Variants in PFDN1 observed in about 807,000 individuals in gnomAD.
PFDN1 encodes the protein prefoldin 1.
In PFDN1, 6 loss-of-function variants were observed where a neutral mutation model predicts 17.3. That is an observed-to-expected ratio of 0.35 (90% CI 0.19 to 0.69). The LOEUF is 0.69. PFDN1 is among the 30% of genes least tolerant of loss of function. PFDN1 has a pLI of 0.65. For missense variants in PFDN1, 113 were observed against 146.2 expected, an observed-to-expected ratio of 0.77 and a Z score of 1.17; for synonymous variants, 58 against 50.1, an observed-to-expected ratio of 1.16 and a Z score of -0.67.
chr5:140,251,895 T>C (rs1561492278), intron 3 of PFDN1, among the ~76,000 whole-genome samples: 1 of 152,206 alleles, frequency 6.6e-6, no homozygotes, highest in Non-Finnish European at 1.5e-5. Context: ...ATCTCTCAAA[T>C]AGACTCCTGA....
intron 3 of PFDN1, among the ~76,000 whole-genome samples, chr5:140,273,260 A>AG (rs1561504656): frequency 6.6e-6 from 1 of 151,848 alleles, no homozygotes; most frequent in East Asian, 1.9e-4. Context: ...AAAAAAAAAA[A>AG]AGAGAAAAAC....
chr5:140,297,518 G>A (rs1280729195), intron 2 of PFDN1, among the ~76,000 whole-genome samples: 1 of 152,112 alleles, frequency 6.6e-6, no homozygotes, highest in Non-Finnish European at 1.5e-5. Context: ...TCATACTCCC[G>A]GTGAGATGCA....
intron 3 of PFDN1, among the ~76,000 whole-genome samples, chr5:140,272,946 G>C (rs1236183899): frequency 1.3e-5 from 2 of 152,160 alleles, no homozygotes; most frequent in Admixed American, 6.5e-5. Context: ...GCAAGCAGAT[G>C]AACTGCTGGG....
chr5:140,274,708 G>T (rs1420188048), intron 3 of PFDN1, among the ~76,000 whole-genome samples: 7 of 152,030 alleles, frequency 4.6e-5, no homozygotes, highest in Non-Finnish European at 8.8e-5. Context: ...CTAACATAGG[G>T]GTATTAAAAT....
chr5:140,277,758 C>T (rs868590794), intron 3 of PFDN1, among the ~76,000 whole-genome samples: 3 of 151,290 alleles, frequency 2.0e-5, no homozygotes, highest in African/African-American at 7.3e-5. Flanking sequence ...AGGAATAAAT[C>T]GACACCTAAA....
intron 3 of PFDN1, chr5:140,281,210 A>C (rs555862714): frequency 3.8e-5 from 14 of 364,748 alleles, no homozygotes; most frequent in Admixed American, 1.7e-4. Context: ...CATTCAGGTT[A>C]AAACCATCTC....
At chr5:140,265,288 G>A (rs763335353) in intron 3 of PFDN1, among the ~76,000 whole-genome samples, 1 of 152,030 alleles carries the variant, frequency 6.6e-6, no homozygotes, top group African/African-American at 2.4e-5. Context: ...TTGCCCATGT[G>A]GGTATTCACT....
chr5:140,302,914 G>A, intron 1 of PFDN1, 127 bp downstream of exon 1: 1 of 789,364 alleles, frequency 1.3e-6, no homozygotes, highest in Non-Finnish European at 2.3e-6. Flanking sequence ...AGGACTCTGG[G>A]AAACCATTCC....
chr5:140,270,298 T>C (rs1399367841), intron 3 of PFDN1, among the ~76,000 whole-genome samples: 15 of 152,096 alleles, frequency 9.9e-5, no homozygotes, highest in Admixed American at 7.9e-4. Context: ...GAGAAGAGTA[T>C]AGACCATATA....
intron 2 of PFDN1, among the ~76,000 whole-genome samples, chr5:140,288,883 G>A (rs1356337123): frequency 1.3e-5 from 2 of 152,110 alleles, no homozygotes; most frequent in African/African-American, 4.8e-5. Context: ...GTACTCGGGA[G>A]GCTGAGGCAA....
intron 2 of PFDN1, among the ~76,000 whole-genome samples, chr5:140,289,161 C>T (rs1386959237): frequency 1.3e-5 from 2 of 151,994 alleles, no homozygotes; most frequent in Non-Finnish European, 2.9e-5. Flanking sequence ...GTGGCACATG[C>T]CTGTAATCCC....
intron 2 of PFDN1, among the ~76,000 whole-genome samples, chr5:140,292,351 T>G (rs1026365500): frequency 6.6e-6 from 1 of 152,178 alleles, no homozygotes; most frequent in Non-Finnish European, 1.5e-5. Context: ...CAGAATGTCA[T>G]AGAGAAATAT....
intron 2 of PFDN1, among the ~76,000 whole-genome samples, chr5:140,293,689 A>C (rs1476154657): frequency 6.6e-6 from 1 of 152,080 alleles, no homozygotes; most frequent in East Asian, 1.9e-4. Flanking sequence ...GCACAAAAAC[A>C]GTGATGTCAT....
At chr5:140,258,726 T>C (rs571564993) in intron 3 of PFDN1, among the ~76,000 whole-genome samples, 1 of 152,296 alleles carries the variant, frequency 6.6e-6, no homozygotes, top group East Asian at 1.9e-4. Context: ...GCTTGCATAC[T>C]GGCTTGAGGG....
At chr5:140,274,054 C>T (rs1444316891) in intron 3 of PFDN1, 2 of 182,300 alleles carry the variant, frequency 1.1e-5, no homozygotes, top group East Asian at 3.8e-4. Flanking sequence ...AGGAGCTCAT[C>T]TCTAGATCAT....
chr5:140,265,238 T>C (rs1329784357), intron 3 of PFDN1, among the ~76,000 whole-genome samples: 5 of 152,056 alleles, frequency 3.3e-5, no homozygotes, highest in African/African-American at 1.2e-4. Flanking sequence ...CCAAGGGAGT[T>C]GAGAGCAACC....
At chr5:140,288,571 TA>T (rs1325374868) in intron 2 of PFDN1, among the ~76,000 whole-genome samples, 1 of 152,240 alleles carries the variant, frequency 6.6e-6, no homozygotes, top group African/African-American at 2.4e-5. Context: ...GTAACAAATG[TA>T]CCACACTAAT....
chr5:140,255,476 C>T (rs562525688), intron 3 of PFDN1, among the ~76,000 whole-genome samples: 1 of 152,020 alleles, frequency 6.6e-6, no homozygotes, highest in Admixed American at 6.5e-5. Flanking sequence ...CCCATCTCTA[C>T]AAAAATAAAA....
intron 3 of PFDN1, among the ~76,000 whole-genome samples, chr5:140,247,194 T>TCACG (rs146360024): frequency 0.023 from 3,521 of 152,262 alleles, 49 homozygotes; most frequent in Middle Eastern, 0.051. Flanking sequence ...AATGGTGCAA[T>TCACG]CACGGTTCAC....
Sources: gnomAD v4.1 joint callset for allele counts (sites outside exome capture counted in the v4.1 genomes callset) on GRCh38, gnomAD v4.1.1 for gene constraint, MANE v1.5 for transcripts, NCBI Gene and HGNC (gene_info 2026-07-23, HGNC 2026-07-21) for gene names.